Variants in OSBPL10 observed in about 807,000 individuals in gnomAD.
The protein encoded by OSBPL10 is oxysterol-binding protein-related protein 10.
In OSBPL10, 49 loss-of-function variants were observed where a neutral mutation model predicts 81.7. That is an observed-to-expected ratio of 0.60 (90% confidence interval 0.48 to 0.76). The LOEUF is 0.76. Among genes scored for constraint, OSBPL10 ranks in the 30% least tolerant of loss-of-function variants. OSBPL10 has a pLI of 0.00. For synonymous variants in OSBPL10, 419 were observed against 383.6 expected (o/e 1.09, Z -1.08); for missense variants, 923 against 987.8 (o/e 0.93, Z 0.88).
chr3:31,793,428 A>T (rs1020663442), intron 4 of OSBPL10, among the ~76,000 whole-genome samples: 16 of 152,258 alleles, frequency 1.1e-4, no homozygotes, highest in African/African-American at 3.4e-4. Flanking sequence ...CTAAATTTAG[A>T]TAAAATTTAA....
intron 1 of OSBPL10, among the ~76,000 whole-genome samples, chr3:31,929,621 G>C (rs1304870348): frequency 6.6e-6 from 1 of 151,762 alleles, no homozygotes; most frequent in Non-Finnish European, 1.5e-5. Flanking sequence ...GGTGGCAGCC[G>C]CCTGTAGTCC....
chr3:31,950,128 AAAG>A (rs1697827258), intron 1 of OSBPL10, among the ~76,000 whole-genome samples: 1 of 152,216 alleles, frequency 6.6e-6, no homozygotes, highest in African/African-American at 2.4e-5. Flanking sequence ...AGAATATGGA[AAAG>A]AAGTAAGAAC....
chr3:31,769,077 G>A (rs1171056753), intron 4 of OSBPL10, among the ~76,000 whole-genome samples: 1 of 152,062 alleles, frequency 6.6e-6, no homozygotes, highest in Non-Finnish European at 1.5e-5. Context: ...TAAGAAAGGG[G>A]CCCTTAAGAA....
At chr3:31,855,706 G>A (rs549933667) in intron 3 of OSBPL10, among the ~76,000 whole-genome samples, 10 of 152,190 alleles carry the variant, frequency 6.6e-5, no homozygotes, top group South Asian at 4.2e-4. Context: ...GCATTCATTC[G>A]TTCTTCTAAG....
At chr3:31,682,644 G>A (rs368576696) in intron 8 of OSBPL10, among the ~76,000 whole-genome samples, 4 of 152,150 alleles carry the variant, frequency 2.6e-5, no homozygotes, top group South Asian at 4.2e-4. Context: ...GGTCTTCCCC[G>A]GACCCCCACC....
chr3:31,825,321 G>A (rs1314392281), intron 4 of OSBPL10, among the ~76,000 whole-genome samples: 1 of 152,088 alleles, frequency 6.6e-6, no homozygotes, highest in Non-Finnish European at 1.5e-5. Flanking sequence ...GTATCTTCCA[G>A]TCCAAGAATT....
At chr3:31,897,430 C>T (rs1420136480) in intron 1 of OSBPL10, among the ~76,000 whole-genome samples, 1 of 152,078 alleles carries the variant, frequency 6.6e-6, no homozygotes, top group African/African-American at 2.4e-5. Flanking sequence ...CCTTCCACAG[C>T]GGTTCCACAG....
intron 1 of OSBPL10, among the ~76,000 whole-genome samples, chr3:31,978,683 T>C (rs1559540178): frequency 6.6e-6 from 1 of 152,072 alleles, no homozygotes; most frequent in South Asian, 2.1e-4. Flanking sequence ...AAACGGTGAG[T>C]CTACTGTGGT....
intron 4 of OSBPL10, among the ~76,000 whole-genome samples, chr3:31,802,591 C>T (rs528188254): frequency 1.3e-4 from 19 of 148,946 alleles, no homozygotes; most frequent in Non-Finnish European, 2.5e-4. Context: ...CTGGATTGTA[C>T]CAAGACAGTG....
chr3:31,714,120 TGA>T (rs1258719863), intron 6 of OSBPL10: 1 of 152,202 alleles, frequency 6.6e-6, no homozygotes. Context: ...GATGGGGCAC[TGA>T]GAGCAGTTTT....
At chr3:31,788,258 T>C (rs74842139) in intron 4 of OSBPL10, among the ~76,000 whole-genome samples, 2,763 of 152,316 alleles carry the variant, frequency 0.018, 73 homozygotes, top group African/African-American at 0.062. Flanking sequence ...GGAGTTACTG[T>C]GCCAAATTTT....
intron 2 of OSBPL10, chr3:31,990,969 C>A (rs779702794): frequency 1.9e-6 from 3 of 1,573,112 alleles, no homozygotes; most frequent in Non-Finnish European, 2.6e-6. Context: ...GTGGCAAGGT[C>A]TTCAGTTAGA....
chr3:31,693,990 A>C (rs1695635529), intron 7 of OSBPL10, among the ~76,000 whole-genome samples: 2 of 152,174 alleles, frequency 1.3e-5, no homozygotes, highest in South Asian at 2.1e-4. Flanking sequence ...GGCTGGTCTC[A>C]AACTCCTGGA....
chr3:31,956,598 G>A (rs1698014332), intron 1 of OSBPL10, among the ~76,000 whole-genome samples: 1 of 151,996 alleles, frequency 6.6e-6, no homozygotes, highest in Non-Finnish European at 1.5e-5. Flanking sequence ...CTTGGTGGCG[G>A]GCACCTGTAT....
intron 1 of OSBPL10, among the ~76,000 whole-genome samples, chr3:31,923,194 TG>T (rs910407113): frequency 1.2e-4 from 19 of 152,154 alleles, no homozygotes; most frequent in Non-Finnish European, 5.9e-5. Context: ...TACAAAAAGC[TG>T]AGCTATCCAG....
intron 1 of OSBPL10, among the ~76,000 whole-genome samples, chr3:32,067,981 G>A (rs547435131): frequency 3.2e-4 from 48 of 152,276 alleles, no homozygotes; most frequent in African/African-American, 1.2e-3. Context: ...CCAGTTCCCT[G>A]TCCTCACCCT....
chr3:31,731,324 T>G (rs1696965040), intron 6 of OSBPL10, among the ~76,000 whole-genome samples: 1 of 152,222 alleles, frequency 6.6e-6, no homozygotes, highest in South Asian at 2.1e-4. Context: ...CCCTACTACA[T>G]GGAATCAAAC....
At chr3:31,907,356 C>T (rs995445723) in intron 1 of OSBPL10, among the ~76,000 whole-genome samples, 2 of 152,000 alleles carry the variant, frequency 1.3e-5, no homozygotes, top group Non-Finnish European at 2.9e-5. Flanking sequence ...TAGCTGGGCA[C>T]GGTGACTCAC....
chr3:31,870,503 G>A (rs1483404801), intron 3 of OSBPL10, among the ~76,000 whole-genome samples: 2 of 152,250 alleles, frequency 1.3e-5, no homozygotes, highest in African/African-American at 4.8e-5. Flanking sequence ...GAGTGCGAAT[G>A]CATGGCGCAG....
Sources: gnomAD v4.1 joint callset for allele counts (sites outside exome capture counted in the v4.1 genomes callset) on GRCh38, gnomAD v4.1.1 for gene constraint, MANE v1.5 for transcripts, NCBI Gene and HGNC (gene_info 2026-07-23, HGNC 2026-07-21) for gene names.